Variants in CDKL3 observed in about 807,000 individuals in gnomAD.
CDKL3 encodes cyclin dependent kinase like 3.
CDKL3 carries 65 observed loss-of-function variants against 69.3 expected under a neutral mutation model. The observed-to-expected ratio is 0.94, with a 90% CI of 0.77 to 1.15. The LOEUF (loss-of-function observed/expected upper bound fraction) is 1.15, where lower values mean the gene tolerates loss of function less well. Ranked by LOEUF, CDKL3 falls within the 50% of genes most tolerant of loss-of-function variation. CDKL3 has a pLI of 0.00. For missense variants in CDKL3, 652 were observed against 689.2 expected (o/e 0.95, Z 0.61); for synonymous variants, 202 against 221.6 (o/e 0.91, Z 0.79).
chr5:134,304,806 G>A (rs1767298089), intron 10 of CDKL3, among the ~76,000 whole-genome samples: 2 of 145,708 alleles, frequency 1.4e-5, no homozygotes, highest in Non-Finnish European at 3.0e-5. Context: ...TTGGTCATGA[G>A]AACCACAATA....
At chr5:134,371,482 G>T, upstream of CDKL3, 1 of 1,342,334 alleles carries the variant, frequency 7.4e-7, no homozygotes, top group Non-Finnish European at 1.0e-6. Context: ...CTCGGCGGCG[G>T]CGGCGGCGGC....
chr5:134,370,736 G>C (rs1482490580), upstream of CDKL3, among the ~76,000 whole-genome samples: 1 of 152,230 alleles, frequency 6.6e-6, no homozygotes, highest in Admixed American at 6.5e-5. Context: ...CATTTCAGGA[G>C]ATTGTTGTGT....
Position 134,298,454 on chromosome 5 carries a change from A to G in CDKL3, c.*197T>C, listed in dbSNP as rs1257673488. The stretch of plus-strand genomic sequence containing the variant: ...AGAGAAGAGATGACTTTATAATTCC[A>G]AATCAAATTATCACATCAACAGAGT... On this transcript the variant is annotated 3_prime_UTR_variant, in exon 13 of 13. Transcript: ENST00000265334. 3.7e-6 allele frequency: 5 copies of G among 1,345,734 alleles called. No individual in the cohort carries two copies. Among genetic ancestry groups the G allele is most frequent in the Middle Eastern group, 2.8e-4 (1 of 3,550 alleles). The allele number at this position is 1,345,734 out of a possible 1,614,324, so 83.4% of individuals were successfully genotyped here.
intron 4 of CDKL3, among the ~76,000 whole-genome samples, chr5:134,335,493 C>T (rs1396603705): frequency 6.6e-6 from 1 of 152,146 alleles, no homozygotes; most frequent in Non-Finnish European, 1.5e-5. Flanking sequence ...GTGCTTCCTT[C>T]AGGAGCTCTT....
intron 4 of CDKL3, among the ~76,000 whole-genome samples, chr5:134,327,892 C>T (rs1774800047): frequency 6.6e-6 from 1 of 152,130 alleles, no homozygotes; most frequent in African/African-American, 2.4e-5. Flanking sequence ...TGTGAGCCTA[C>T]CCAAAGCTGT....
chr5:134,308,839 A>G (rs1768605550), intron 7 of CDKL3, 112 bp from the exon 8 acceptor site: 1 of 924,406 alleles, frequency 1.1e-6, no homozygotes, highest in African/African-American at 1.7e-5. Context: ...CAGCATAAAT[A>G]ATGCTAACTA....
chr5:134,322,428 A>C (rs1396396182), intron 4 of CDKL3, among the ~76,000 whole-genome samples: 1 of 152,240 alleles, frequency 6.6e-6, no homozygotes, highest in Admixed American at 6.5e-5. Flanking sequence ...GTGTAAACTT[A>C]TATGACTTCT....
In CDKL3 at chr5:134,325,927, CTTTTTTTTTTT is replaced by C. The variant is rs10706943; in HGVS notation, c.540-4035_540-4025del. On this transcript the variant is annotated intron_variant, in intron 4 of 12. Coordinates refer to ENST00000265334, the MANE Select transcript of CDKL3 (RefSeq NM_001113575.2). ...TACAGGCGCCCATCACCACGCCTGGCTTTTTTTTTTTTTTTTTTTTTTGTATTTTTAGCAGA... is the reference window on the plus strand; with the variant it reads ...TACAGGCGCCCATCACCACGCCTGGCTTTTTTTTTTTGTATTTTTAGCAGA... 2.4e-5 allele frequency among the ~76,000 whole-genome samples: 2 copies of C among 82,868 alleles called. 1 individual carries two copies. Among genetic ancestry groups the C allele is most frequent in the African/African-American group, 9.7e-5 (2 of 20,698 alleles). The allele number at this position is 82,868 out of a possible 152,430, so 54.4% of individuals were successfully genotyped here.
chr5:134,283,901 C>G (rs926192915), downstream of CDKL3, among the ~76,000 whole-genome samples: 3 of 152,086 alleles, frequency 2.0e-5, no homozygotes, highest in Non-Finnish European at 2.9e-5. Flanking sequence ...GAGACATTGG[C>G]GAAAACAAAG....
intron 3 of CDKL3, among the ~76,000 whole-genome samples, chr5:134,357,396 G>A (rs747627088): frequency 2.6e-5 from 4 of 151,700 alleles, no homozygotes; most frequent in Admixed American, 6.6e-5. Context: ...GTGAGATCAC[G>A]CCATTGCACT....
At chr5:134,331,986 A>G (rs1477471698) in intron 4 of CDKL3, among the ~76,000 whole-genome samples, 4 of 152,150 alleles carry the variant, frequency 2.6e-5, no homozygotes, top group South Asian at 2.1e-4. Flanking sequence ...AATGATTGCC[A>G]TTCTAACTGG....
intron 4 of CDKL3, among the ~76,000 whole-genome samples, chr5:134,335,454 C>T (rs1776869221): frequency 6.6e-6 from 1 of 152,068 alleles, no homozygotes; most frequent in Non-Finnish European, 1.5e-5. Context: ...TTTGCAGTGG[C>T]TGGTACCATT....
chr5:134,303,062 C>T (rs78839521), intron 11 of CDKL3, among the ~76,000 whole-genome samples: 2,443 of 151,904 alleles, frequency 0.016, 28 homozygotes, highest in Non-Finnish European at 0.026. Context: ...GACAAAAGTG[C>T]GTTTCATTCT....
At chr5:134,346,378 T>C (rs1187027010) in intron 4 of CDKL3, among the ~76,000 whole-genome samples, 1 of 152,256 alleles carries the variant, frequency 6.6e-6, no homozygotes, top group East Asian at 1.9e-4. Context: ...GGTTTTCATT[T>C]ATGAAGGCTT....
At chr5:134,356,812 A>G (rs1002161858) in intron 3 of CDKL3, among the ~76,000 whole-genome samples, 11 of 151,976 alleles carry the variant, frequency 7.2e-5, no homozygotes, top group Non-Finnish European at 1.6e-4. Flanking sequence ...TAAAAATAAA[A>G]TAAAAACTCT....
chr5:134,335,968 T>C (rs1302750825), intron 4 of CDKL3, among the ~76,000 whole-genome samples: 1 of 152,212 alleles, frequency 6.6e-6, no homozygotes, highest in Non-Finnish European at 1.5e-5. Context: ...CAATCAAACG[T>C]AGATTTGGTC....
chr5:134,326,790 C>T (rs1375385217), intron 4 of CDKL3, among the ~76,000 whole-genome samples: 1 of 114,864 alleles, frequency 8.7e-6, no homozygotes, highest in Non-Finnish European at 1.8e-5. Context: ...ATACTTAAAG[C>T]GTGTGTGTAT....
chr5:134,302,640 A>G lies in CDKL3; in HGVS notation c.1669T>C (p.Ser557Pro). 6.2e-7 allele frequency: 1 copy of G among 1,604,314 alleles called. No individual in the cohort carries two copies. Among genetic ancestry groups the G allele is most frequent in the Non-Finnish European group, 8.5e-7 (1 of 1,175,340 alleles). ...LKRESKKTESSKIPTLLNVDQ... is the reference protein window; with the variant it reads ...LKRESKKTESPKIPTLLNVDQ... Reference sequence around the variant, plus strand: ...ACGTTAAGTAAAGTTGGTATCTTAGATGACTCTGTTTTCTTTGACTCCCTC... The same window carrying G: ...ACGTTAAGTAAAGTTGGTATCTTAGGTGACTCTGTTTTCTTTGACTCCCTC... Residue 557 changes from serine (S) to proline (P), a missense_variant, in exon 12 of 13, where the codon TCT becomes CCT. By Grantham distance (74) the Ser-to-Pro change is moderately conservative. Coordinates refer to ENST00000265334, the MANE Select transcript of CDKL3 (RefSeq NM_001113575.2).
chr5:134,331,384 C>T (rs887900490), intron 4 of CDKL3, among the ~76,000 whole-genome samples: 53 of 151,974 alleles, frequency 3.5e-4, no homozygotes, highest in African/African-American at 1.3e-3. Context: ...TATATGTGTG[C>T]CATGTTGGTT....
Sources: gnomAD v4.1 joint callset for allele counts (sites outside exome capture counted in the v4.1 genomes callset) on GRCh38, gnomAD v4.1.1 for gene constraint, MANE v1.5 for transcripts, NCBI Gene and HGNC (gene_info 2026-07-23, HGNC 2026-07-21) for gene names.